FERMT2: variants seen among roughly 807,000 people sequenced by gnomAD.
FERMT2 encodes the protein FERM domain containing kindlin 2, also known as fermitin family homolog 2.
Under a neutral mutation model 82.7 loss-of-function variants are expected in FERMT2, and 15 were observed. The observed-to-expected ratio is 0.18, with a 90% confidence interval of 0.12 to 0.28. The LOEUF is 0.28. FERMT2 is among the 10% of genes least tolerant of loss of function. FERMT2 has a pLI of 1.00. For synonymous variants in FERMT2, 274 were observed against 271.5 expected (o/e 1.01, Z -0.09); for missense variants, 645 against 809.4 (o/e 0.80, Z 2.46).
chr14:52,866,280 C>T (rs1191197202), intron 10 of FERMT2, among the ~76,000 whole-genome samples: 2 of 152,194 alleles, frequency 1.3e-5, no homozygotes, highest in African/African-American at 4.8e-5. Flanking sequence ...TCCTCAGTTA[C>T]CCAATTAGTG....
Position 52,860,337 on chromosome 14 carries a change from T to G in FERMT2, c.1727+4A>C. 1 of 1,613,596 alleles carries G rather than the reference T, an allele frequency of 6.2e-7. No homozygotes were observed. The highest frequency in any genetic ancestry group is 8.5e-7 in the Non-Finnish European group (1 of 1,179,812). On this transcript the variant is annotated splice_donor_region_variant and intron_variant, in intron 13 of 14. Transcript: ENST00000341590. Reference sequence around the variant, plus strand: ...TTTACACATAGATGCTTAGAACCACTGACCTTGCAATGAAGTGAGTGATGC... The same window carrying G: ...TTTACACATAGATGCTTAGAACCACGGACCTTGCAATGAAGTGAGTGATGC...
intron 4 of FERMT2, among the ~76,000 whole-genome samples, chr14:52,889,817 C>G (rs189856488): frequency 6.6e-6 from 1 of 152,156 alleles, no homozygotes; most frequent in Non-Finnish European, 1.5e-5. Flanking sequence ...CTAAACATCT[C>G]TAAACATAGA....
chr14:52,884,631 G>C (rs1290703312), intron 4 of FERMT2, among the ~76,000 whole-genome samples: 1 of 152,002 alleles, frequency 6.6e-6, no homozygotes, highest in Non-Finnish European at 1.5e-5. Flanking sequence ...ACCCCAGCCA[G>C]TCTGGCTGTA....
chr14:52,923,464 T>C (rs1254043116), intron 2 of FERMT2, among the ~76,000 whole-genome samples: 1 of 152,150 alleles, frequency 6.6e-6, no homozygotes, highest in Non-Finnish European at 1.5e-5. Context: ...AGCAGTGTTA[T>C]CTTGCACTTA....
intron 3 of FERMT2, among the ~76,000 whole-genome samples, chr14:52,918,844 T>C (rs931579882): frequency 1.3e-5 from 2 of 152,208 alleles, no homozygotes; most frequent in Non-Finnish European, 2.9e-5. Flanking sequence ...TATGTTCCCC[T>C]GAAAATAGTG....
rs1555368978 is a variant in FERMT2, at chr14:52,892,159, G to GGTTTTTTTT, written c.526+1133_526+1134insAAAAAAAAC. The stretch of plus-strand genomic sequence containing the variant: ...GAATATGCAAAGCAGAGAGAAGGCT[G>GGTTTTTTTT]TTTTTTGTTTTTTTTTTTTTTTTTT... On this transcript the variant is annotated intron_variant, in intron 4 of 14. Transcript: ENST00000341590. Among the ~76,000 whole-genome samples, 266 of 78,754 alleles carry GGTTTTTTTT rather than the reference G, an allele frequency of 3.4e-3. 4 individuals are homozygous for GGTTTTTTTT. Among genetic ancestry groups the GGTTTTTTTT allele is most frequent in the African/African-American group, 9.9e-3 (252 of 25,500 alleles). 51.7% of individuals were successfully genotyped at this position (78,754 alleles called of 152,430 possible).
intron 1 of FERMT2, 102 bp from the exon 2 acceptor site, chr14:52,950,679 G>A (rs1207620190): frequency 2.4e-6 from 3 of 1,230,680 alleles, no homozygotes; most frequent in East Asian, 2.4e-5. Flanking sequence ...AGGTGGTGGA[G>A]GACCCGGGGC....
chr14:52,873,515 G>A (rs1453947209), intron 9 of FERMT2: 1 of 152,710 alleles, frequency 6.5e-6, no homozygotes, highest in Non-Finnish European at 1.5e-5. Context: ...AAGGGGGAAG[G>A]AGAAAGGGTA....
At chr14:52,926,857 C>A in intron 2 of FERMT2, among the ~76,000 whole-genome samples, 1 of 152,190 alleles carries the variant, frequency 6.6e-6, no homozygotes, top group South Asian at 2.1e-4. Flanking sequence ...GTTTACTATA[C>A]CTAGCAAAAT....
At chr14:52,886,300 A>G (rs564947633) in intron 4 of FERMT2, among the ~76,000 whole-genome samples, 17 of 148,538 alleles carry the variant, frequency 1.1e-4, no homozygotes, top group African/African-American at 4.2e-4. Flanking sequence ...AGACAGACAG[A>G]GTGTGTGTGA....
At chr14:52,889,960 T>C (rs1290387337) in intron 4 of FERMT2, among the ~76,000 whole-genome samples, 4 of 147,406 alleles carry the variant, frequency 2.7e-5, no homozygotes, top group African/African-American at 5.0e-5. Flanking sequence ...GAAACCCCAT[T>C]TCTACTAAAA....
At chr14:52,864,256 G>T in intron 12 of FERMT2, 145 bp downstream of exon 12, 1 of 614,286 alleles carries the variant, frequency 1.6e-6, no homozygotes, top group Middle Eastern at 4.2e-4. Flanking sequence ...GTTCAGATTA[G>T]GGATACTCTA....
intron 2 of FERMT2, among the ~76,000 whole-genome samples, chr14:52,949,901 T>C (rs549146999): frequency 1.9e-4 from 29 of 152,324 alleles, no homozygotes; most frequent in Non-Finnish European, 3.4e-4. Flanking sequence ...AACATTTTAA[T>C]GCACTCCACC....
At chr14:52,911,422 C>T (rs147184367) in intron 3 of FERMT2, among the ~76,000 whole-genome samples, 1,796 of 152,036 alleles carry the variant, frequency 0.012, 54 homozygotes, top group East Asian at 0.1. Flanking sequence ...GAGGCTGAGG[C>T]GGGCGGATCA....
chr14:52,936,326 AATT>A (rs1311643349), intron 2 of FERMT2, among the ~76,000 whole-genome samples: 1 of 152,182 alleles, frequency 6.6e-6, no homozygotes, highest in African/African-American at 2.4e-5. Flanking sequence ...ATACTGGAAA[AATT>A]ATTTCTTGAA....
At chr14:52,883,382 G>A (rs1217332384) in intron 4 of FERMT2, among the ~76,000 whole-genome samples, 2 of 152,176 alleles carry the variant, frequency 1.3e-5, no homozygotes, top group East Asian at 1.9e-4. Context: ...TATTAAATGT[G>A]CTGAACACAT....
intron 2 of FERMT2, among the ~76,000 whole-genome samples, chr14:52,942,599 C>T (rs967884063): frequency 2.6e-5 from 4 of 151,940 alleles, no homozygotes; most frequent in African/African-American, 9.7e-5. Context: ...ACCCCGCCCG[C>T]CCCAAGAAAA....
chr14:52,937,163 AAAT>A (rs902153723), intron 2 of FERMT2, among the ~76,000 whole-genome samples: 6 of 151,944 alleles, frequency 3.9e-5, no homozygotes, highest in Admixed American at 6.6e-5. Context: ...CTCTGTCTTA[AAAT>A]AATAATAATA....
intron 3 of FERMT2, among the ~76,000 whole-genome samples, chr14:52,903,039 A>G: frequency 6.6e-6 from 1 of 151,718 alleles, no homozygotes; most frequent in African/African-American, 2.4e-5. Context: ...GAAATTACCA[A>G]GGAAATAATA....
Sources: allele counts gnomAD v4.1 joint callset (sites outside exome capture counted in the v4.1 genomes callset), GRCh38; gene constraint gnomAD v4.1.1; transcripts MANE v1.5; gene names NCBI Gene and HGNC (gene_info 2026-07-23, HGNC 2026-07-21).